The following PALM variants were observed in gnomAD, a reference collection of about 807,000 sequenced individuals.
The protein encoded by PALM is paralemmin-1.
In PALM, 18 loss-of-function variants were observed where a neutral mutation model predicts 30.7. The observed-to-expected ratio is 0.59, with a 90% CI of 0.41 to 0.87. The LOEUF (loss-of-function observed/expected upper bound fraction) is 0.87, where lower values mean the gene tolerates loss of function less well. PALM is among the 40% of genes least tolerant of loss of function. PALM has a pLI of 0.00. For missense variants in PALM, 529 were observed against 555.4 expected, an observed-to-expected ratio of 0.95 and a Z score of 0.48; for synonymous variants, 286 against 242.8, an observed-to-expected ratio of 1.18 and a Z score of -1.66.
intron 1 of PALM, among the ~76,000 whole-genome samples, chr19:719,893 G>C (rs959323251): frequency 6.6e-6 from 1 of 152,162 alleles, no homozygotes; most frequent in Non-Finnish European, 1.5e-5. Flanking sequence ...TTCTCGGTTT[G>C]TGGCCGTTTT....
At chr19:719,634 G>A (rs1009690287) in intron 1 of PALM, 92 of 986,006 alleles carry the variant, frequency 9.3e-5, no homozygotes, top group Non-Finnish European at 1.1e-4. Context: ...CCTTTGCCCG[G>A]GACTCAGCTC....
intron 8 of PALM, among the ~76,000 whole-genome samples, chr19:745,883 A>G (rs573082594): frequency 1.3e-5 from 2 of 151,048 alleles, no homozygotes; most frequent in African/African-American, 4.9e-5. Context: ...ACATGGAGAA[A>G]CCCCGTCTCT....
At chr19:714,586 C>A (rs1435088816) in intron 1 of PALM, among the ~76,000 whole-genome samples, 1 of 144,440 alleles carries the variant, frequency 6.9e-6, no homozygotes. Context: ...TCTCGATCTC[C>A]TGACCTCGTG....
chr19:731,645 G>A (rs1568228355), intron 5 of PALM, among the ~76,000 whole-genome samples: 2 of 146,612 alleles, frequency 1.4e-5, no homozygotes, highest in African/African-American at 5.0e-5. Flanking sequence ...CAGGAGACCC[G>A]GTGCTGGTGG....
chr19:726,065 C>A, intron 1 of PALM, 73 bp from the exon 2 acceptor site: 1 of 1,163,152 alleles, frequency 8.6e-7, no homozygotes, highest in Non-Finnish European at 1.3e-6. Flanking sequence ...AGAGGCAGAG[C>A]TGGGATTTGA....
chr19:737,434 C>T (rs1438605724), intron 7 of PALM, among the ~76,000 whole-genome samples: 5 of 152,188 alleles, frequency 3.3e-5, no homozygotes, highest in East Asian at 1.9e-4. Context: ...GCCTTTCAAG[C>T]GCCTGCTGCA....
At chr19:724,267 G>A (rs895129424) in intron 1 of PALM, among the ~76,000 whole-genome samples, 2 of 152,178 alleles carry the variant, frequency 1.3e-5, no homozygotes, top group African/African-American at 2.4e-5. Flanking sequence ...TTTGAAGCCT[G>A]AAGCCCGGTC....
At position 733,784 on chromosome 19, in the gene PALM, C is replaced by T. The variant is rs3761030; in HGVS notation, c.421-389C>T. 0.02 allele frequency among the ~76,000 whole-genome samples: 2,990 copies of T among 152,082 alleles called. 239 individuals are homozygous for T. The East Asian group carries it at 0.28, about 14-fold the overall frequency. ...GGTGGATCACCTGAGGTCAGGGGAT[C>T]GAAACCAGCCTGGCCAACATGGAGA... On this transcript the variant is annotated intron_variant, in intron 5 of 8. Coordinates refer to ENST00000338448, the MANE Select transcript of PALM (RefSeq NM_002579.3).
chr19:727,726 G>A, intron 4 of PALM, 32 bp downstream of exon 4: 1 of 1,519,412 alleles, frequency 6.6e-7, no homozygotes, highest in Non-Finnish European at 8.9e-7. Flanking sequence ...CCACCGGGCT[G>A]GGTGGGGCCT....
In PALM at chr19:727,599, G is replaced by A. The variant is rs750851862; in HGVS notation, c.174G>A (p.Gly58=). ...KALRERWLLE[G]TPSSASEGDE... is the part of the protein sequence containing the mutation. ...TGCGGGAGCGCTGGCTGCTGGAGGG[G>A]ACGCCGTCCTCGGCCTCAGAGGGGG... The change falls in exon 4 of 9, where the codon GGG becomes GGA. Residue 58 remains glycine (G), a synonymous_variant. Transcript: ENST00000338448. 8 of 1,586,624 alleles carry A rather than the reference G, an allele frequency of 5.0e-6. No individual in the cohort carries two copies. In the African/African-American group the frequency reaches 1.1e-4, roughly 21 times the overall value.
At chr19:740,316 G>A (rs750845367) in intron 7 of PALM, 36 bp from the exon 8 acceptor site, 8 of 1,523,942 alleles carry the variant, frequency 5.2e-6, no homozygotes, top group Admixed American at 2.0e-5. Context: ...GCGGGGGCGG[G>A]CAGGCCGTGG....
intron 1 of PALM, among the ~76,000 whole-genome samples, chr19:718,916 G>T (rs922423224): frequency 6.6e-6 from 1 of 151,986 alleles, no homozygotes; most frequent in African/African-American, 2.4e-5. Context: ...GCTCAGGGGA[G>T]ACACAGGCTC....
rs77224636 is a variant in PALM, at chr19:729,834, G to A, written c.270-1261G>A. Among the ~76,000 whole-genome samples, 377 of 152,306 alleles carry A rather than the reference G, an allele frequency of 2.5e-3. 2 individuals are homozygous for A. The highest frequency in any genetic ancestry group is 8.8e-3 in the African/African-American group (364 of 41,560). ...CTGGGCTGGACGGGATGTTCAGACC[G>A]AGGTGGGGCTGAGACGGGCCTGGCC... On this transcript the variant is annotated intron_variant, in intron 4 of 8. Coordinates refer to ENST00000338448, the MANE Select transcript of PALM (RefSeq NM_002579.3).
chr19:722,931 G>A (rs1309455423), intron 1 of PALM: 1 of 152,386 alleles, frequency 6.6e-6, no homozygotes, highest in Non-Finnish European at 1.5e-5. Context: ...GCCAGGAAGG[G>A]AGGAGCCGGT....
intron 5 of PALM, among the ~76,000 whole-genome samples, chr19:733,677 A>G (rs2032937890): frequency 6.6e-6 from 1 of 152,092 alleles, no homozygotes; most frequent in Non-Finnish European, 1.5e-5. Flanking sequence ...ATGCGGGGGT[A>G]TGTGGGGAGG....
At chr19:717,938 T>C (rs1446358491) in intron 1 of PALM, among the ~76,000 whole-genome samples, 1 of 152,082 alleles carries the variant, frequency 6.6e-6, no homozygotes, top group Non-Finnish European at 1.5e-5. Context: ...TCCCAGCACT[T>C]TGGGAGGCTG....
chr19:709,543 G>A lies in PALM; in HGVS notation c.5+392G>A, dbSNP rs1462604460. Among the ~76,000 whole-genome samples the A allele has an allele frequency of 2.6e-5, 4 of 152,056 alleles. No individual in the cohort carries two copies. Among genetic ancestry groups the A allele is most frequent in the Non-Finnish European group, 5.9e-5 (4 of 67,940 alleles). Reference sequence around the variant, plus strand: ...GAGCGACCCCTCCCCAGATTGCACCGGTCCGGCCTCGCGCTCACGCACCCT... The same window carrying A: ...GAGCGACCCCTCCCCAGATTGCACCAGTCCGGCCTCGCGCTCACGCACCCT... On this transcript the variant is annotated intron_variant, in intron 1 of 8. Coordinates refer to ENST00000338448, the MANE Select transcript of PALM (RefSeq NM_002579.3). The surrounding 1 kb of genome is among the most constrained non-coding windows in gnomAD (Gnocchi z 4.3).
intron 7 of PALM, among the ~76,000 whole-genome samples, chr19:737,055 G>C (rs1416440247): frequency 6.6e-6 from 1 of 152,190 alleles, no homozygotes; most frequent in Non-Finnish European, 1.5e-5. Context: ...CTCCGTCTCA[G>C]AAAAGGCAGC....
intron 1 of PALM, among the ~76,000 whole-genome samples, chr19:714,656 C>G (rs1423174543): frequency 6.6e-6 from 1 of 151,926 alleles, no homozygotes; most frequent in Non-Finnish European, 1.5e-5. Context: ...CCGCGCCCAG[C>G]CTTCTTTTTT....
Sources: allele counts gnomAD v4.1 joint callset (sites outside exome capture counted in the v4.1 genomes callset), GRCh38; gene constraint gnomAD v4.1.1; non-coding constraint Gnocchi (gnomAD v3.1); transcripts MANE v1.5; gene names NCBI Gene and HGNC (gene_info 2026-07-23, HGNC 2026-07-21).